The following SEMA3E variants were observed in gnomAD, a reference collection of about 807,000 sequenced individuals.
SEMA3E encodes semaphorin-3E.
Under a neutral mutation model 93.6 loss-of-function variants are expected in SEMA3E, and 49 were observed. That is an observed-to-expected ratio of 0.52 (90% CI 0.42 to 0.66). The LOEUF (loss-of-function observed/expected upper bound fraction) is 0.66. Among genes scored for constraint, SEMA3E ranks in the 30% least tolerant of loss-of-function variants. SEMA3E has a pLI of 0.00. For missense variants in SEMA3E, 906 were observed against 964.8 expected, an observed-to-expected ratio of 0.94 and a Z score of 0.81; for synonymous variants, 363 against 330.7, an observed-to-expected ratio of 1.10 and a Z score of -1.06.
At chr7:83,506,368 A>C (rs892309233) in intron 1 of SEMA3E, among the ~76,000 whole-genome samples, 12 of 152,182 alleles carry the variant, frequency 7.9e-5, no homozygotes, top group Non-Finnish European at 1.8e-4. Context: ...AGCCAGGCAC[A>C]GGAAGTCAAA....
chr7:83,571,582 TAA>T (rs1249711461), intron 1 of SEMA3E, among the ~76,000 whole-genome samples: 1 of 151,958 alleles, frequency 6.6e-6, no homozygotes, highest in Non-Finnish European at 1.5e-5. Flanking sequence ...TCAAAAATAA[TAA>T]GAGCAATCTA....
intron 1 of SEMA3E, among the ~76,000 whole-genome samples, chr7:83,508,927 G>A (rs769784391): frequency 1.3e-5 from 2 of 152,042 alleles, no homozygotes; most frequent in South Asian, 2.1e-4. Flanking sequence ...TAGCAAATTC[G>A]TTAAGTACAT....
intron 1 of SEMA3E, among the ~76,000 whole-genome samples, chr7:83,499,443 C>T (rs935063655): frequency 2.0e-5 from 3 of 152,114 alleles, no homozygotes; most frequent in Admixed American, 6.5e-5. Context: ...TTGAATTTCT[C>T]TTATTATAAG....
chr7:83,525,278 T>A (rs997770470), intron 1 of SEMA3E, among the ~76,000 whole-genome samples: 1 of 152,212 alleles, frequency 6.6e-6, no homozygotes, highest in African/African-American at 2.4e-5. Flanking sequence ...CATTTTAATT[T>A]TTTTTCCCTG....
intron 4 of SEMA3E, among the ~76,000 whole-genome samples, chr7:83,456,122 C>T (rs548818448): frequency 2.0e-5 from 3 of 152,252 alleles, no homozygotes; most frequent in African/African-American, 4.8e-5. Context: ...GTGCTAAAGT[C>T]GTCTCATTCT....
At chr7:83,540,346 A>G (rs866583677) in intron 1 of SEMA3E, among the ~76,000 whole-genome samples, 17 of 152,310 alleles carry the variant, frequency 1.1e-4, no homozygotes, top group South Asian at 8.3e-4. Context: ...TTGATGTATT[A>G]TATCAGTGGG....
intron 1 of SEMA3E, among the ~76,000 whole-genome samples, chr7:83,521,917 G>A (rs77376116): frequency 0.017 from 2,544 of 152,112 alleles, 34 homozygotes; most frequent in South Asian, 0.028. Flanking sequence ...TTCATTGTAG[G>A]CACTTTTACA....
chr7:83,639,357 G>A (rs577236396), intron 1 of SEMA3E, among the ~76,000 whole-genome samples: 1 of 152,004 alleles, frequency 6.6e-6, no homozygotes, highest in Non-Finnish European at 1.5e-5. Flanking sequence ...TCCTGCAGGT[G>A]AATTATTTAG....
Position 83,528,108 on chromosome 7 carries a change from G to C in SEMA3E, c.116-37834C>G, listed in dbSNP as rs564196191. On this transcript the variant is annotated intron_variant, in intron 1 of 16. Coordinates refer to ENST00000643230, the MANE Select transcript of SEMA3E (RefSeq NM_012431.3). Reference sequence around the variant, plus strand: ...GAATTCTTACTATAATGCCCTTTTTGGTAGGAAAAAGTAACTGTCATCTAA... The same window carrying C: ...GAATTCTTACTATAATGCCCTTTTTCGTAGGAAAAAGTAACTGTCATCTAA... Among the ~76,000 whole-genome samples, 243 of 151,674 alleles carry C rather than the reference G, an allele frequency of 1.6e-3. No individual in the cohort carries two copies. In the East Asian group the frequency reaches 0.042, roughly 26 times the overall value.
intron 2 of SEMA3E, among the ~76,000 whole-genome samples, chr7:83,483,230 C>G (rs113820295): frequency 2.6e-5 from 4 of 152,104 alleles, no homozygotes; most frequent in African/African-American, 9.6e-5. Flanking sequence ...GTAGTAGTAT[C>G]TGCGGTTTCA....
intron 4 of SEMA3E, among the ~76,000 whole-genome samples, chr7:83,463,994 C>T (rs1380448748): frequency 5.3e-5 from 8 of 152,130 alleles, no homozygotes; most frequent in Non-Finnish European, 8.8e-5. Context: ...GAGAAGGCCA[C>T]GGCAGTCATT....
At chr7:83,557,821 T>C (rs779715080) in intron 1 of SEMA3E, among the ~76,000 whole-genome samples, 4 of 152,166 alleles carry the variant, frequency 2.6e-5, no homozygotes, top group Non-Finnish European at 5.9e-5. Context: ...CTAAGAATTA[T>C]ACTTGGAAGA....
At chr7:83,648,334 C>CT (rs1794106333) in intron 1 of SEMA3E, 94 bp downstream of exon 1, 1 of 876,244 alleles carries the variant, frequency 1.1e-6, no homozygotes, top group Admixed American at 2.3e-5. Flanking sequence ...CTTTGAAGAC[C>CT]ATAAGCCTAT....
Position 83,634,169 on chromosome 7 carries a change from C to A in SEMA3E, c.115+14259G>T, listed in dbSNP as rs948117015. On this transcript the variant is annotated intron_variant, in intron 1 of 16. Transcript: ENST00000643230. The stretch of plus-strand genomic sequence containing the variant: ...AATATAAAAACTTAAGTGTCTAATA[C>A]GCATAATATTATATTCTAAACATAA... 2.0e-5 allele frequency among the ~76,000 whole-genome samples: 3 copies of A among 152,022 alleles called. No individual in the cohort carries two copies. The South Asian group carries it at 6.2e-4, about 32-fold the overall frequency.
chr7:83,541,423 C>T (rs1383572164), intron 1 of SEMA3E, among the ~76,000 whole-genome samples: 1 of 152,114 alleles, frequency 6.6e-6, no homozygotes, highest in African/African-American at 2.4e-5. Flanking sequence ...GGCCACAATA[C>T]TGAGAAATTG....
chr7:83,389,732 CATAT>C lies in SEMA3E; in HGVS notation c.1668-2686_1668-2683del, dbSNP rs894788517. ...TATACACGTATATATTACATGTATA[CATAT>C]ATACACGTATATATTACATGTATAC... On this transcript the variant is annotated intron_variant, in intron 14 of 16. Coordinates refer to ENST00000643230, the MANE Select transcript of SEMA3E (RefSeq NM_012431.3). Among the ~76,000 whole-genome samples, 322 of 144,902 alleles carry C rather than the reference CATAT, an allele frequency of 2.2e-3. 13 individuals carry two copies. Among genetic ancestry groups the C allele is most frequent in the South Asian group, 5.3e-3 (24 of 4,556 alleles).
chr7:83,535,335 T>C (rs985069), intron 1 of SEMA3E, among the ~76,000 whole-genome samples: 81,097 of 151,864 alleles, frequency 0.53, 23,761 homozygotes, highest in Middle Eastern at 0.7. Context: ...TGTGCTTTTG[T>C]CAGTACATAA....
At chr7:83,544,358 G>A (rs1253492333) in intron 1 of SEMA3E, among the ~76,000 whole-genome samples, 2 of 151,882 alleles carry the variant, frequency 1.3e-5, no homozygotes, top group African/African-American at 2.4e-5. Context: ...TTCTTCATTC[G>A]AGCAGCTATG....
At chr7:83,528,986 C>A (rs1434905589) in intron 1 of SEMA3E, among the ~76,000 whole-genome samples, 1 of 152,038 alleles carries the variant, frequency 6.6e-6, no homozygotes, top group East Asian at 1.9e-4. Context: ...CTACAAAAAT[C>A]TTCCAGACAA....
Sources: gnomAD v4.1 joint callset for allele counts (sites outside exome capture counted in the v4.1 genomes callset) on GRCh38, gnomAD v4.1.1 for gene constraint, MANE v1.5 for transcripts, NCBI Gene and HGNC (gene_info 2026-07-23, HGNC 2026-07-21) for gene names.